LIMCH1: variants seen among roughly 807,000 people sequenced by gnomAD.
LIMCH1 encodes the protein LIM and calponin homology domains-containing protein 1.
LIMCH1 carries 113 observed loss-of-function variants against 176.5 expected under a neutral mutation model. The ratio of observed to expected loss-of-function variants is 0.64; its 90% CI spans 0.55 to 0.75. The LOEUF (loss-of-function observed/expected upper bound fraction) is 0.75, where lower values mean the gene tolerates loss of function less well. LIMCH1 is among the 30% of genes least tolerant of loss of function. LIMCH1 has a pLI of 0.00. For synonymous variants in LIMCH1, 619 were observed against 645.9 expected (o/e 0.96, Z 0.63); for missense variants, 1,674 against 1,814.9 (o/e 0.92, Z 1.41).
rs952929420 is a variant in LIMCH1 at position 41,633,084 on chromosome 4, C to G, written c.1828C>G (p.Leu610Val). 3 of 1,530,036 alleles carry G rather than the reference C, an allele frequency of 2.0e-6. No homozygotes were observed. Among genetic ancestry groups the G allele is most frequent in the African/African-American group, 2.7e-5 (2 of 72,862 alleles). 94.8% of individuals were successfully genotyped at this position (1,530,036 alleles called of 1,614,324 possible). ...AAGATCAGAGGACAGCAGCCAGCCA[C>G]TGTGAGCATCTTGCCTGCGCTCTGC... Reference protein sequence around the residue: ...AERSEDSSQPLVCPLASECEA... With the variant: ...AERSEDSSQPVVCPLASECEA... Residue 610 changes from leucine to valine, a missense_variant and splice_region_variant, in exon 12 of 32, where the codon CTG (leucine) becomes GTG (valine). Physicochemically the swap from Leu to Val is conservative, Grantham distance 32. Around this residue, in one of 3 missense-constraint regions of LIMCH1, gnomAD observed 1,015 missense variants for 1,102.5 expected, o/e 0.92. Coordinates refer to ENST00000503057, the MANE Select transcript of LIMCH1 (RefSeq NM_001330672.2).
chr4:41,568,808 C>A (rs1045667008), intron 1 of LIMCH1, among the ~76,000 whole-genome samples: 2 of 152,084 alleles, frequency 1.3e-5, no homozygotes, highest in African/African-American at 4.8e-5. Context: ...TAAAAGTTTT[C>A]TCTCAAATTT....
chr4:41,438,403 G>T (rs557865638), intron 1 of LIMCH1, among the ~76,000 whole-genome samples: 26 of 148,524 alleles, frequency 1.8e-4, no homozygotes, highest in Non-Finnish European at 3.6e-4. Flanking sequence ...ACAGAGTCTT[G>T]CTCTGTTGCC....
At chr4:41,646,415 C>T (rs1331278674) in intron 16 of LIMCH1, 70 bp from the exon 17 acceptor site, 29 of 1,539,540 alleles carry the variant, frequency 1.9e-5, no homozygotes, top group East Asian at 1.6e-4. Context: ...GTGCTACCTT[C>T]GTTTCTACCA....
At chr4:41,623,221 C>T (rs1205095142) in intron 7 of LIMCH1, among the ~76,000 whole-genome samples, 1 of 152,180 alleles carries the variant, frequency 6.6e-6, no homozygotes, top group Admixed American at 6.5e-5. Flanking sequence ...CATTGAAATA[C>T]GCTGATATCT....
chr4:41,369,011 G>C (rs1203576108), intron 1 of LIMCH1, among the ~76,000 whole-genome samples: 1 of 152,170 alleles, frequency 6.6e-6, no homozygotes, highest in Non-Finnish European at 1.5e-5. Flanking sequence ...GTGAGACTTA[G>C]GGTGGTGACC....
chr4:41,363,285 G>A (rs1412783000), intron 1 of LIMCH1, among the ~76,000 whole-genome samples: 1 of 152,192 alleles, frequency 6.6e-6, no homozygotes. Context: ...CCCCGGGTGG[G>A]GGGGCGGATT....
chr4:41,471,784 T>C (rs777092246), intron 1 of LIMCH1, among the ~76,000 whole-genome samples: 4 of 152,228 alleles, frequency 2.6e-5, no homozygotes, highest in Non-Finnish European at 5.9e-5. Flanking sequence ...GTGATCTACC[T>C]TTTTGACTTA....
intron 1 of LIMCH1, among the ~76,000 whole-genome samples, chr4:41,363,861 A>G (rs760588954): frequency 3.9e-5 from 6 of 152,110 alleles, no homozygotes; most frequent in Non-Finnish European, 7.3e-5. Context: ...GTTTGGGAAG[A>G]CTCCTAGAGG....
At chr4:41,639,218 G>C (rs1351832118) in intron 14 of LIMCH1, among the ~76,000 whole-genome samples, 1 of 152,170 alleles carries the variant, frequency 6.6e-6, no homozygotes, top group Non-Finnish European at 1.5e-5. Context: ...CATAGACTGG[G>C]CATGTTAAAG....
intron 1 of LIMCH1, among the ~76,000 whole-genome samples, chr4:41,540,295 A>AGAG (rs961929735): frequency 3.4e-4 from 52 of 152,262 alleles, no homozygotes; most frequent in Middle Eastern, 6.8e-3. Flanking sequence ...AGAAGGAGAA[A>AGAG]GAGGAGGAGG....
intron 1 of LIMCH1, among the ~76,000 whole-genome samples, chr4:41,444,222 C>A (rs2063010162): frequency 6.6e-6 from 1 of 151,624 alleles, no homozygotes; most frequent in African/African-American, 2.4e-5. Context: ...GTTTTTACTA[C>A]TCCTAAACGA....
At chr4:41,682,591 A>G (rs1716907410) in intron 26 of LIMCH1, 131 bp downstream of exon 26, 1 of 771,302 alleles carries the variant, frequency 1.3e-6, no homozygotes, top group South Asian at 2.5e-5. Flanking sequence ...AATACATTAC[A>G]TATTGTTTGG....
At chr4:41,471,644 G>A (rs1170700213) in intron 1 of LIMCH1, among the ~76,000 whole-genome samples, 2 of 152,168 alleles carry the variant, frequency 1.3e-5, no homozygotes, top group African/African-American at 2.4e-5. Flanking sequence ...TGGCCAAATG[G>A]CTGGATTTGG....
intron 1 of LIMCH1, among the ~76,000 whole-genome samples, chr4:41,418,998 A>C (rs1413627032): frequency 6.6e-6 from 1 of 152,192 alleles, no homozygotes; most frequent in Non-Finnish European, 1.5e-5. Context: ...CACATTTCAC[A>C]AAGGATTGTG....
intron 25 of LIMCH1, among the ~76,000 whole-genome samples, chr4:41,682,114 C>T (rs1350960922): frequency 6.6e-6 from 1 of 152,176 alleles, no homozygotes; most frequent in Non-Finnish European, 1.5e-5. Context: ...GAGGGGTTTT[C>T]TAATCAATTC....
chr4:41,452,303 A>G (rs12641813), intron 1 of LIMCH1, among the ~76,000 whole-genome samples: 7,009 of 152,194 alleles, frequency 0.046, 227 homozygotes, highest in East Asian at 0.14. Flanking sequence ...ATTTCCTTTC[A>G]TAAGCCTTCA....
chr4:41,612,666 T>C, intron 4 of LIMCH1: 1 of 702,282 alleles, frequency 1.4e-6, no homozygotes, highest in South Asian at 1.5e-5. Flanking sequence ...ATGTGCTGCT[T>C]GTGCTGGAAA....
chr4:41,543,855 C>T (rs764703057), intron 1 of LIMCH1, among the ~76,000 whole-genome samples: 32 of 152,062 alleles, frequency 2.1e-4, no homozygotes, highest in African/African-American at 7.2e-4. Flanking sequence ...CTTAAGTGAA[C>T]GATTGTTTCA....
chr4:41,627,019 G>GGGGTGT lies in LIMCH1; in HGVS notation c.1028+10_1028+11insGGTGTG. ...AGTCTAGAATATAAAAGGTGTGCAT[G>GGGGTGT]GTGTGTGTGTGTGTGTGTGTGTGTG... On this transcript the variant is annotated intron_variant, in intron 8 of 31. Coordinates refer to ENST00000503057, the MANE Select transcript of LIMCH1 (RefSeq NM_001330672.2). 7.1e-7 allele frequency: 1 copy of GGGGTGT among 1,406,614 alleles called. No homozygotes were observed. The highest frequency in any genetic ancestry group is 1.9e-4 in the Middle Eastern group (1 of 5,238). The allele number at this position is 1,406,614 out of a possible 1,614,324, so 87.1% of individuals were successfully genotyped here.
Sources: allele counts gnomAD v4.1 joint callset (sites outside exome capture counted in the v4.1 genomes callset), GRCh38; gene constraint gnomAD v4.1.1; regional missense constraint gnomAD v4.1.1; transcripts MANE v1.5; gene names NCBI Gene and HGNC (gene_info 2026-07-23, HGNC 2026-07-21).